The following MTHFD2L variants were observed in gnomAD, a reference collection of about 807,000 sequenced individuals.
The protein encoded by MTHFD2L is methylenetetrahydrofolate dehydrogenase (NADP+ dependent) 2 like, also known as bifunctional methylenetetrahydrofolate dehydrogenase/cyclohydrolase 2, mitochondrial.
Under a neutral mutation model 34.9 loss-of-function variants are expected in MTHFD2L, and 29 were observed. The ratio of observed to expected loss-of-function variants is 0.83; its 90% CI spans 0.62 to 1.13. The LOEUF (loss-of-function observed/expected upper bound fraction) is 1.13. MTHFD2L is among the 50% of genes most tolerant of loss of function. The pLI is 0.00. For synonymous variants in MTHFD2L, 167 were observed against 155.7 expected (o/e 1.07, Z -0.54); for missense variants, 481 against 446.5 (o/e 1.08, Z -0.70).
At chr4:74,268,973 T>C (rs1037954003) in intron 6 of MTHFD2L, among the ~76,000 whole-genome samples, 1 of 152,204 alleles carries the variant, frequency 6.6e-6, no homozygotes, top group African/African-American at 2.4e-5. Flanking sequence ...TATTTTATAT[T>C]TGTCATATAA....
At chr4:74,259,248 C>A (rs940624581) in intron 6 of MTHFD2L, among the ~76,000 whole-genome samples, 4 of 152,190 alleles carry the variant, frequency 2.6e-5, no homozygotes, top group African/African-American at 9.7e-5. Flanking sequence ...TTAAACAAAG[C>A]AGCTAAATGT....
intron 5 of MTHFD2L, among the ~76,000 whole-genome samples, chr4:74,204,222 T>C (rs552302943): frequency 6.6e-6 from 1 of 151,982 alleles, no homozygotes; most frequent in Non-Finnish European, 1.5e-5. Flanking sequence ...TGTGTAGGCC[T>C]CCGCTTTCCT....
intron 5 of MTHFD2L, among the ~76,000 whole-genome samples, chr4:74,208,481 C>A (rs1027163346): frequency 6.6e-6 from 1 of 152,122 alleles, no homozygotes; most frequent in African/African-American, 2.4e-5. Flanking sequence ...GAATCTTTTT[C>A]TTTCAATTCC....
chr4:74,257,400 A>C (rs182462622), intron 6 of MTHFD2L, among the ~76,000 whole-genome samples: 2 of 152,224 alleles, frequency 1.3e-5, no homozygotes, highest in Non-Finnish European at 2.9e-5. Flanking sequence ...TTTATCTTTA[A>C]GGACACACAG....
chr4:74,181,853 A>G (rs1730233890), intron 3 of MTHFD2L: 1 of 152,148 alleles, frequency 6.6e-6, no homozygotes, highest in South Asian at 2.1e-4. Flanking sequence ...AATAATTAGT[A>G]GGCATAAAAA....
At chr4:74,123,863 C>A (rs1262561851), upstream of MTHFD2L, among the ~76,000 whole-genome samples, 1 of 152,052 alleles carries the variant, frequency 6.6e-6, no homozygotes, top group Non-Finnish European at 1.5e-5. Context: ...TGCCTACTGG[C>A]CCTAATGCAT....
At chr4:74,183,284 C>T (rs1184479441) in intron 3 of MTHFD2L, 1 of 152,034 alleles carries the variant, frequency 6.6e-6, no homozygotes, top group African/African-American at 2.4e-5. Flanking sequence ...CCTTCAAAAA[C>T]AAAGGCAAAA....
chr4:74,120,628 C>T (rs551681294), upstream of MTHFD2L, among the ~76,000 whole-genome samples: 18 of 152,262 alleles, frequency 1.2e-4, no homozygotes, highest in Non-Finnish European at 2.2e-4. Flanking sequence ...AAAAATGTCA[C>T]CTAAATTTAA....
At chr4:74,155,129 T>C (rs1724164135), upstream of MTHFD2L, among the ~76,000 whole-genome samples, 1 of 152,186 alleles carries the variant, frequency 6.6e-6, no homozygotes, top group Non-Finnish European at 1.5e-5. Flanking sequence ...GCACAGTGCC[T>C]ATGTGCAGTT....
intron 6 of MTHFD2L, among the ~76,000 whole-genome samples, chr4:74,230,522 G>A (rs955547726): frequency 5.3e-5 from 8 of 149,810 alleles, no homozygotes; most frequent in African/African-American, 1.2e-4. Context: ...CCCGGGAGGC[G>A]GAGGTTGCAG....
At chr4:74,234,632 T>G (rs1740574478) in intron 6 of MTHFD2L, among the ~76,000 whole-genome samples, 1 of 151,974 alleles carries the variant, frequency 6.6e-6, no homozygotes, top group Non-Finnish European at 1.5e-5. Context: ...ATAGCAGGCA[T>G]TAGAAAAATA....
intron 1 of MTHFD2L, among the ~76,000 whole-genome samples, chr4:74,159,553 C>A (rs1340573622): frequency 2.6e-5 from 4 of 152,208 alleles, no homozygotes; most frequent in African/African-American, 9.6e-5. Context: ...TGTCAGCTTG[C>A]TGTAAACAAC....
At chr4:74,209,586 G>A (rs1271964) in intron 5 of MTHFD2L, among the ~76,000 whole-genome samples, 1 of 152,138 alleles carries the variant, frequency 6.6e-6, no homozygotes, top group Non-Finnish European at 1.5e-5. Context: ...TCTTAATCCA[G>A]TATATTATTG....
chr4:74,231,583 T>C (rs1740075128), intron 6 of MTHFD2L, among the ~76,000 whole-genome samples: 1 of 152,182 alleles, frequency 6.6e-6, no homozygotes, highest in Admixed American at 6.5e-5. Flanking sequence ...GTTCCTTCCC[T>C]CCTTCCTAAA....
chr4:74,234,370 A>G (rs1740529864), intron 6 of MTHFD2L, among the ~76,000 whole-genome samples: 1 of 152,004 alleles, frequency 6.6e-6, no homozygotes, highest in Non-Finnish European at 1.5e-5. Flanking sequence ...CCTGTTTTAT[A>G]TTTCTATAAC....
At chr4:74,230,708 A>T (rs1054865214) in intron 6 of MTHFD2L, among the ~76,000 whole-genome samples, 1 of 152,162 alleles carries the variant, frequency 6.6e-6, no homozygotes, top group Non-Finnish European at 1.5e-5. Flanking sequence ...GGGGAGGAGC[A>T]GTTTAGGGAA....
At chr4:74,266,897 G>A (rs1745347985) in intron 6 of MTHFD2L, 2 of 985,070 alleles carry the variant, frequency 2.0e-6, no homozygotes, top group Non-Finnish European at 1.2e-6. Flanking sequence ...TAAATATCAG[G>A]CCTCATTTCT....
intron 3 of MTHFD2L, among the ~76,000 whole-genome samples, chr4:74,176,333 G>C (rs1289087445): frequency 6.6e-6 from 1 of 151,964 alleles, no homozygotes; most frequent in East Asian, 1.9e-4. Context: ...TTCAACATAA[G>C]ACTTACCTTC....
chr4:74,222,085 C>T (rs1442108745), intron 5 of MTHFD2L, among the ~76,000 whole-genome samples: 1 of 151,732 alleles, frequency 6.6e-6, no homozygotes, highest in Non-Finnish European at 1.5e-5. Context: ...TCTGGTTGGT[C>T]AGCTTTTAAA....
Sources: gnomAD v4.1 joint callset for allele counts (sites outside exome capture counted in the v4.1 genomes callset) on GRCh38, gnomAD v4.1.1 for gene constraint, MANE v1.5 for transcripts, NCBI Gene and HGNC (gene_info 2026-07-23, HGNC 2026-07-21) for gene names.